Variants in NCAM2 observed in about 807,000 individuals in gnomAD.
The protein encoded by NCAM2 is neural cell adhesion molecule 2, also known as N-CAM-2.
In NCAM2, 30 loss-of-function variants were observed where a neutral mutation model predicts 98.1. That is an observed-to-expected ratio of 0.31 (90% confidence interval 0.23 to 0.41). NCAM2 has a LOEUF of 0.41. Among genes scored for constraint, NCAM2 ranks in the 10% least tolerant of loss-of-function variants. NCAM2 has a pLI of 1.00. For missense variants in NCAM2, 867 were observed against 1,005.8 expected, an observed-to-expected ratio of 0.86 and a Z score of 1.87; for synonymous variants, 368 against 342.4, an observed-to-expected ratio of 1.07 and a Z score of -0.83.
chr21:21,331,377 A>G (rs562206700), intron 6 of NCAM2, among the ~76,000 whole-genome samples: 1 of 146,508 alleles, frequency 6.8e-6, no homozygotes, highest in East Asian at 2.0e-4. Flanking sequence ...GCTTCAAGAA[A>G]TCCTCCTGCC....
At chr21:21,085,604 A>C (rs1350849327) in intron 1 of NCAM2, among the ~76,000 whole-genome samples, 2 of 152,068 alleles carry the variant, frequency 1.3e-5, no homozygotes, top group East Asian at 3.9e-4. Context: ...GGTTGGAGAC[A>C]TGGGGCCCTA....
chr21:21,404,843 C>A (rs945513268), intron 9 of NCAM2, among the ~76,000 whole-genome samples: 1 of 151,522 alleles, frequency 6.6e-6, no homozygotes, highest in Non-Finnish European at 1.5e-5. Context: ...TGTGCACACA[C>A]TTTACAGAAG....
At chr21:21,387,648 G>A (rs931843483) in intron 9 of NCAM2, among the ~76,000 whole-genome samples, 2 of 152,110 alleles carry the variant, frequency 1.3e-5, no homozygotes, top group African/African-American at 2.4e-5. Context: ...TTCCCATTTT[G>A]TAAAGTGAAA....
At chr21:21,389,468 A>G (rs1456452775) in intron 9 of NCAM2, among the ~76,000 whole-genome samples, 2 of 152,198 alleles carry the variant, frequency 1.3e-5, no homozygotes, top group Admixed American at 6.5e-5. Context: ...CTATTTTGAC[A>G]TATACAGTAA....
intron 15 of NCAM2, among the ~76,000 whole-genome samples, chr21:21,503,261 T>C (rs1403991930): frequency 1.3e-5 from 2 of 151,942 alleles, no homozygotes; most frequent in East Asian, 1.9e-4. Context: ...AAGTTAACAA[T>C]AATATCTGTT....
At chr21:21,152,617 A>G (rs2067479916) in intron 1 of NCAM2, among the ~76,000 whole-genome samples, 1 of 152,004 alleles carries the variant, frequency 6.6e-6, no homozygotes, top group Admixed American at 6.6e-5. Context: ...CCAGTACTCT[A>G]GAAGTAGCTT....
intron 11 of NCAM2, among the ~76,000 whole-genome samples, chr21:21,421,235 G>T (rs530996038): frequency 6.6e-6 from 1 of 151,964 alleles, no homozygotes; most frequent in South Asian, 2.1e-4. Flanking sequence ...ATGTACCTTT[G>T]TATCTCACAA....
intron 5 of NCAM2, among the ~76,000 whole-genome samples, chr21:21,309,242 T>A (rs1020978213): frequency 6.6e-6 from 1 of 152,218 alleles, no homozygotes; most frequent in African/African-American, 2.4e-5. Flanking sequence ...GGATGCTAGA[T>A]GTTATAAATG....
At chr21:21,444,364 A>C (rs552610363) in intron 12 of NCAM2, among the ~76,000 whole-genome samples, 69 of 152,096 alleles carry the variant, frequency 4.5e-4, no homozygotes, top group Non-Finnish European at 9.1e-4. Context: ...AGTTAGGGGG[A>C]GTCCCTCCGT....
intron 10 of NCAM2, among the ~76,000 whole-genome samples, chr21:21,415,918 G>A (rs1475066937): frequency 1.3e-5 from 2 of 152,174 alleles, no homozygotes; most frequent in African/African-American, 4.8e-5. Flanking sequence ...CATGAGTAAG[G>A]CTGTTTAGCT....
At chr21:21,213,374 A>G (rs556696751) in intron 1 of NCAM2, among the ~76,000 whole-genome samples, 14 of 152,316 alleles carry the variant, frequency 9.2e-5, no homozygotes, top group East Asian at 5.8e-4. Context: ...TTTTAGATAG[A>G]TGATTCCCAA....
At chr21:21,127,892 G>A (rs761964933) in intron 1 of NCAM2, among the ~76,000 whole-genome samples, 2 of 151,864 alleles carry the variant, frequency 1.3e-5, no homozygotes, top group South Asian at 2.1e-4. Context: ...TTAAATATAC[G>A]TTTAGCTTCC....
intron 1 of NCAM2, among the ~76,000 whole-genome samples, chr21:21,162,436 C>A (rs1042411891): frequency 6.6e-6 from 1 of 152,058 alleles, no homozygotes; most frequent in African/African-American, 2.4e-5. Context: ...TGTAAATTTT[C>A]ATGAGCAGTT....
At chr21:21,349,858 A>T (rs768347218) in intron 8 of NCAM2, among the ~76,000 whole-genome samples, 7 of 152,176 alleles carry the variant, frequency 4.6e-5, no homozygotes, top group Admixed American at 6.5e-5. Flanking sequence ...TATTTGTGGG[A>T]TCTAAAAATC....
intron 12 of NCAM2, among the ~76,000 whole-genome samples, chr21:21,459,881 G>T (rs1237336145): frequency 6.6e-6 from 1 of 151,866 alleles, no homozygotes; most frequent in East Asian, 1.9e-4. Context: ...AATAAGAAAT[G>T]TAACTATAGT....
intron 1 of NCAM2, among the ~76,000 whole-genome samples, chr21:21,052,150 A>ATTTTTTTTTTTTTTTTTTTTTTTTT (rs5842877): frequency 2.7e-5 from 2 of 74,808 alleles, no homozygotes; most frequent in African/African-American, 1.2e-4. Context: ...CATGATGGCC[A>ATTTTTTTTTTTTTTTTTTTTTTTTT]TTTTTTTTTT....
chr21:21,305,723 T>G (rs1160763968), intron 5 of NCAM2, among the ~76,000 whole-genome samples: 1 of 152,118 alleles, frequency 6.6e-6, no homozygotes, highest in African/African-American at 2.4e-5. Flanking sequence ...TTTATATTTG[T>G]TTTTCCTTTT....
intron 1 of NCAM2, among the ~76,000 whole-genome samples, chr21:21,221,880 C>T (rs1163979770): frequency 6.6e-6 from 1 of 152,112 alleles, no homozygotes; most frequent in Non-Finnish European, 1.5e-5. Context: ...ATGTGACTTT[C>T]ATAGCTACAG....
At chr21:21,365,220 G>A (rs2075754969) in intron 8 of NCAM2, among the ~76,000 whole-genome samples, 1 of 131,988 alleles carries the variant, frequency 7.6e-6, no homozygotes, top group Non-Finnish European at 1.6e-5. Flanking sequence ...GGAGATTTGA[G>A]CTAATTATTG....
Sources: gnomAD v4.1 joint callset for allele counts (sites outside exome capture counted in the v4.1 genomes callset) on GRCh38, gnomAD v4.1.1 for gene constraint, MANE v1.5 for transcripts, NCBI Gene and HGNC (gene_info 2026-07-23, HGNC 2026-07-21) for gene names.